HECW2: variants seen among roughly 807,000 people sequenced by gnomAD.
HECW2 encodes the protein HECT, C2 and WW domain containing E3 ubiquitin protein ligase 2, also known as E3 ubiquitin-protein ligase HECW2.
A neutral mutation model predicts 175.2 loss-of-function variants in HECW2; 61 were observed. That is an observed-to-expected ratio of 0.35 (90% CI 0.28 to 0.43). The LOEUF (loss-of-function observed/expected upper bound fraction) is 0.43. HECW2 is among the 20% of genes least tolerant of loss of function. The pLI is 1.00. For missense variants in HECW2, 1,524 were observed against 2,000.5 expected, an observed-to-expected ratio of 0.76 and a Z score of 4.54; for synonymous variants, 671 against 731.0, an observed-to-expected ratio of 0.92 and a Z score of 1.32.
At chr2:196,556,151 T>C (rs970539878) in intron 1 of HECW2, among the ~76,000 whole-genome samples, 1 of 152,232 alleles carries the variant, frequency 6.6e-6, no homozygotes, top group African/African-American at 2.4e-5. Flanking sequence ...TTCTTCTTCT[T>C]GCAGCTTCAC....
intron 21 of HECW2, among the ~76,000 whole-genome samples, chr2:196,228,921 C>T (rs1004323063): frequency 6.6e-6 from 1 of 152,186 alleles, no homozygotes; most frequent in Non-Finnish European, 1.5e-5. Flanking sequence ...GAAACTCTAA[C>T]ACCTGAGCTA....
intron 1 of HECW2, among the ~76,000 whole-genome samples, chr2:196,591,433 T>G (rs1275748298): frequency 6.6e-6 from 1 of 152,232 alleles, no homozygotes; most frequent in Non-Finnish European, 1.5e-5. Context: ...ACGATTATTT[T>G]TAAGTTCAAA....
chr2:196,213,607 T>C (rs1219810727), intron 28 of HECW2, among the ~76,000 whole-genome samples: 2 of 152,230 alleles, frequency 1.3e-5, no homozygotes, highest in South Asian at 2.1e-4. Context: ...ACCATCTTTA[T>C]TTGTGCTGTT....
intron 3 of HECW2, among the ~76,000 whole-genome samples, chr2:196,337,905 A>G (rs1692612236): frequency 6.6e-6 from 1 of 152,154 alleles, no homozygotes; most frequent in Non-Finnish European, 1.5e-5. Flanking sequence ...ATGGCAATAT[A>G]AGGGCCCCTT....
At chr2:196,465,736 G>C (rs1407747598) in intron 1 of HECW2, among the ~76,000 whole-genome samples, 1 of 150,108 alleles carries the variant, frequency 6.7e-6, no homozygotes, top group Non-Finnish European at 1.5e-5. Flanking sequence ...TATTTGCATG[G>C]CACAGTTAGG....
chr2:196,282,632 T>C (rs940567724), intron 14 of HECW2, among the ~76,000 whole-genome samples: 6 of 152,234 alleles, frequency 3.9e-5, no homozygotes, highest in Admixed American at 6.5e-5. Context: ...CTGGAATCAA[T>C]AGAAAGGAAT....
intron 27 of HECW2, among the ~76,000 whole-genome samples, chr2:196,216,209 T>C (rs745865341): frequency 4.6e-5 from 7 of 152,142 alleles, no homozygotes; most frequent in Non-Finnish European, 1.0e-4. Flanking sequence ...GGAGGGTTTG[T>C]AGAAAATAAA....
intron 14 of HECW2, among the ~76,000 whole-genome samples, chr2:196,287,242 A>G (rs917860335): frequency 1.3e-5 from 2 of 152,252 alleles, no homozygotes; most frequent in African/African-American, 2.4e-5. Context: ...GGACATAGCA[A>G]TGGAAGCCAA....
chr2:196,369,900 C>T (rs1029798446), intron 2 of HECW2, among the ~76,000 whole-genome samples: 1 of 152,012 alleles, frequency 6.6e-6, no homozygotes, highest in South Asian at 2.1e-4. Context: ...GCTGCCAGGC[C>T]TGGAACTCTC....
intron 1 of HECW2, among the ~76,000 whole-genome samples, chr2:196,477,364 TA>T (rs2125365516): frequency 6.6e-6 from 1 of 152,344 alleles, no homozygotes; most frequent in Non-Finnish European, 1.5e-5. Context: ...ATTCCTTTAT[TA>T]AAGTTAGAAA....
intron 1 of HECW2, among the ~76,000 whole-genome samples, chr2:196,488,629 T>TACATAC (rs1687090462): frequency 6.8e-6 from 1 of 147,082 alleles, no homozygotes; most frequent in African/African-American, 2.5e-5. Context: ...GAAGAATGAA[T>TACATAC]ACACACACAC....
chr2:196,347,494 G>C (rs1453709003), intron 2 of HECW2, among the ~76,000 whole-genome samples: 1 of 152,258 alleles, frequency 6.6e-6, no homozygotes, highest in East Asian at 1.9e-4. Context: ...TTACAGGCAT[G>C]AGCCACCACA....
At chr2:196,242,682 CTTTT>C (rs1157719695) in intron 19 of HECW2, 1,254 of 86,718 alleles carry the variant, frequency 0.014, 15 homozygotes, top group African/African-American at 0.058. Flanking sequence ...CCTCATGAAA[CTTTT>C]TTTTTTTTTT....
intron 13 of HECW2, among the ~76,000 whole-genome samples, chr2:196,297,570 G>C (rs1389089696): frequency 6.6e-6 from 1 of 152,142 alleles, no homozygotes; most frequent in Admixed American, 6.5e-5. Flanking sequence ...AAATGTCCTA[G>C]ATTACCTGGC....
intron 1 of HECW2, among the ~76,000 whole-genome samples, chr2:196,522,535 A>G (rs1045682073): frequency 1.3e-5 from 2 of 151,898 alleles, no homozygotes; most frequent in African/African-American, 4.8e-5. Flanking sequence ...TTGGTGTTTT[A>G]GACATGAAGT....
intron 2 of HECW2, among the ~76,000 whole-genome samples, chr2:196,432,818 T>A (rs781309130): frequency 1.3e-5 from 2 of 152,230 alleles, no homozygotes; most frequent in Non-Finnish European, 2.9e-5. Flanking sequence ...ATGGGACTGC[T>A]GATCAAGAGA....
chr2:196,527,435 C>A (rs1006705897), intron 1 of HECW2, among the ~76,000 whole-genome samples: 3 of 152,224 alleles, frequency 2.0e-5, no homozygotes, highest in African/African-American at 7.2e-5. Flanking sequence ...AATCACCCTT[C>A]TTCTGCGTCG....
At chr2:196,242,540 G>A (rs2105885268) in intron 19 of HECW2, 1 of 242,164 alleles carries the variant, frequency 4.1e-6, no homozygotes, top group Non-Finnish European at 8.2e-6. Context: ...AGGATGAAAT[G>A]TCTTTGCTTG....
chr2:196,305,578 C>G (rs1440119915), intron 13 of HECW2, among the ~76,000 whole-genome samples: 2 of 151,904 alleles, frequency 1.3e-5, no homozygotes, highest in Non-Finnish European at 2.9e-5. Context: ...TCAATATGTT[C>G]TCCTTCAATT....
Sources: allele counts gnomAD v4.1 joint callset (sites outside exome capture counted in the v4.1 genomes callset), GRCh38; gene constraint gnomAD v4.1.1; transcripts MANE v1.5; gene names NCBI Gene and HGNC (gene_info 2026-07-23, HGNC 2026-07-21).